Variants in KCNS3 observed in about 807,000 individuals in gnomAD.
KCNS3 encodes the protein potassium voltage-gated channel modifier subfamily S member 3.
Under a neutral mutation model 31.0 loss-of-function variants are expected in KCNS3, and 13 were observed. The ratio of observed to expected loss-of-function variants is 0.42; its 90% CI spans 0.27 to 0.67. The LOEUF is 0.67. Among genes scored for constraint, KCNS3 ranks in the 30% least tolerant of loss-of-function variants. KCNS3 has a pLI of 0.25. For synonymous variants in KCNS3, 238 were observed against 241.5 expected (o/e 0.99, Z 0.13); for missense variants, 545 against 622.4 (o/e 0.88, Z 1.32).
At chr2:17,903,795 T>C (rs1270343090) in intron 1 of KCNS3, among the ~76,000 whole-genome samples, 2 of 152,200 alleles carry the variant, frequency 1.3e-5, no homozygotes, top group African/African-American at 4.8e-5. Context: ...ACTCATCCTT[T>C]TTTATGGCTG....
chr2:17,916,376 G>A (rs957263904), intron 1 of KCNS3, among the ~76,000 whole-genome samples: 8 of 152,068 alleles, frequency 5.3e-5, no homozygotes. Context: ...GGAGGAAGGG[G>A]AGGAGGAGGA....
intron 1 of KCNS3, among the ~76,000 whole-genome samples, chr2:17,882,669 AGT>A (rs937358439): frequency 2.6e-5 from 4 of 152,014 alleles, no homozygotes; most frequent in Non-Finnish European, 4.4e-5. Flanking sequence ...AGAGGAGAAG[AGT>A]GTTGTTGTTT....
At chr2:17,916,722 G>C (rs973747939) in intron 1 of KCNS3, among the ~76,000 whole-genome samples, 3 of 152,126 alleles carry the variant, frequency 2.0e-5, no homozygotes, top group African/African-American at 7.2e-5. Context: ...TTGAGGGACT[G>C]GGGGCAGGCA....
chr2:17,883,002 C>T (rs1005101818), intron 1 of KCNS3, among the ~76,000 whole-genome samples: 4 of 152,186 alleles, frequency 2.6e-5, no homozygotes, highest in African/African-American at 9.7e-5. Context: ...TGGAATCCTG[C>T]ACAGCCTTGC....
chr2:17,903,831 C>A (rs928521595), intron 1 of KCNS3, among the ~76,000 whole-genome samples: 2 of 152,226 alleles, frequency 1.3e-5, no homozygotes, highest in African/African-American at 2.4e-5. Flanking sequence ...TGTATATGTG[C>A]CACATTTTCT....
chr2:17,878,286 C>A (rs1674552095), upstream of KCNS3, among the ~76,000 whole-genome samples: 1 of 152,126 alleles, frequency 6.6e-6, no homozygotes, highest in South Asian at 2.1e-4. Context: ...CGGGGGAGGT[C>A]ATCTTTTTCC....
intron 2 of KCNS3, among the ~76,000 whole-genome samples, chr2:17,923,996 A>G (rs1032820368): frequency 6.6e-6 from 1 of 151,984 alleles, no homozygotes; most frequent in Non-Finnish European, 1.5e-5. Flanking sequence ...ATCCGTGAAC[A>G]TTGGGTGTCT....
intron 2 of KCNS3, among the ~76,000 whole-genome samples, chr2:17,924,931 G>A (rs1662801241): frequency 6.6e-6 from 1 of 152,092 alleles, no homozygotes; most frequent in Non-Finnish European, 1.5e-5. Context: ...TGGTGATTGT[G>A]GTAAAATTCA....
At chr2:17,882,774 G>A (rs943868252) in intron 1 of KCNS3, among the ~76,000 whole-genome samples, 1 of 152,202 alleles carries the variant, frequency 6.6e-6, no homozygotes, top group Non-Finnish European at 1.5e-5. Flanking sequence ...ACAACAAAAT[G>A]TAGAAACTGA....
chr2:17,924,494 T>A (rs1662791616), intron 2 of KCNS3, among the ~76,000 whole-genome samples: 1 of 152,192 alleles, frequency 6.6e-6, no homozygotes, highest in Non-Finnish European at 1.5e-5. Flanking sequence ...TGTGGGTTTT[T>A]CATAGATGCT....
At chr2:17,905,329 G>A (rs1662288856) in intron 1 of KCNS3, among the ~76,000 whole-genome samples, 1 of 152,224 alleles carries the variant, frequency 6.6e-6, no homozygotes, top group South Asian at 2.1e-4. Context: ...AGACTTTGCT[G>A]AAGTTGCTTA....
intron 1 of KCNS3, among the ~76,000 whole-genome samples, chr2:17,908,337 C>T (rs7559784): frequency 0.92 from 139,522 of 152,274 alleles, 64,096 homozygotes; most frequent in East Asian, 0.99. Context: ...TTCTCTACCC[C>T]GATTATTCTC....
At chr2:17,920,358 G>A (rs1662681910) in intron 2 of KCNS3, among the ~76,000 whole-genome samples, 1 of 152,182 alleles carries the variant, frequency 6.6e-6, no homozygotes, top group African/African-American at 2.4e-5. Flanking sequence ...TTGTGTATAT[G>A]TGTATGAGTC....
At chr2:17,906,073 G>T (rs1242918746) in intron 1 of KCNS3, among the ~76,000 whole-genome samples, 1 of 152,214 alleles carries the variant, frequency 6.6e-6, no homozygotes, top group Non-Finnish European at 1.5e-5. Context: ...GAATTCGGCT[G>T]TGAATCCGTC....
chr2:17,885,621 G>C (rs979232244), intron 1 of KCNS3, among the ~76,000 whole-genome samples: 2 of 152,192 alleles, frequency 1.3e-5, no homozygotes, highest in African/African-American at 4.8e-5. Flanking sequence ...CCAAAGGCAG[G>C]CTGCTAGAAA....
Position 17,931,748 on chromosome 2 carries a change from A to T in KCNS3, c.740A>T (p.Gln247Leu). The T allele has an allele frequency of 2.5e-6, 4 of 1,613,932 alleles. No homozygotes were observed. Among genetic ancestry groups the T allele is most frequent in the Non-Finnish European group, 3.4e-6 (4 of 1,179,838 alleles). Residue 247 changes from glutamine to leucine, a missense_variant, in exon 3 of 3, where the codon CAA becomes CTA. Coordinates refer to ENST00000304101, the MANE Select transcript of KCNS3 (RefSeq NM_002252.5). This position sits in a 1 kb window ranked among gnomAD's most constrained non-coding sequence, Gnocchi z 5.4. ...GTCCGGCTGGCTGCCGCTCCTTGTC[A>T]AAAGAAATTCTGGAAAAACCCTCTG... is the stretch of plus-strand genomic sequence containing the variant. The part of the protein sequence containing the change: ...LAVRLAAAPC[Q>L]KKFWKNPLNI...
chr2:17,886,639 C>A (rs1350296652), intron 1 of KCNS3, among the ~76,000 whole-genome samples: 4 of 152,008 alleles, frequency 2.6e-5, no homozygotes, highest in Non-Finnish European at 5.9e-5. Context: ...AGGAAAGTAC[C>A]ATGTATGGCA....
chr2:17,898,493 T>C (rs936123500), intron 1 of KCNS3, among the ~76,000 whole-genome samples: 2 of 152,140 alleles, frequency 1.3e-5, no homozygotes, highest in Non-Finnish European at 2.9e-5. Context: ...CAGGTGTGGC[T>C]TTTCAGGCTT....
At chr2:17,878,603 CGTCCG>C (rs1674561615), upstream of KCNS3, 1 of 148,166 alleles carries the variant, frequency 6.7e-6, no homozygotes. Context: ...CGCCCCGTCC[CGTCCG>C]GCCCCGCCCC....
Sources: gnomAD v4.1 joint callset for allele counts (sites outside exome capture counted in the v4.1 genomes callset) on GRCh38, gnomAD v4.1.1 for gene constraint, Gnocchi (gnomAD v3.1) non-coding constraint, MANE v1.5 for transcripts, NCBI Gene and HGNC (gene_info 2026-07-23, HGNC 2026-07-21) for gene names.